The following CNTNAP2 variants were observed in gnomAD, a reference collection of about 807,000 sequenced individuals.
The protein encoded by CNTNAP2 is contactin associated protein 2, also known as contactin-associated protein-like 2.
A neutral mutation model predicts 155.2 loss-of-function variants in CNTNAP2; 98 were observed. The ratio of observed to expected loss-of-function variants is 0.63; its 90% CI spans 0.54 to 0.75. CNTNAP2 has a LOEUF of 0.75. Among genes scored for constraint, CNTNAP2 ranks in the 30% least tolerant of loss-of-function variants. The pLI is 0.00. For synonymous variants in CNTNAP2, 651 were observed against 631.2 expected (o/e 1.03, Z -0.47); for missense variants, 1,727 against 1,688.1 (o/e 1.02, Z -0.40).
intron 14 of CNTNAP2, among the ~76,000 whole-genome samples, chr7:147,920,063 A>T (rs1191500320): frequency 6.6e-6 from 1 of 151,878 alleles, no homozygotes; most frequent in East Asian, 2.0e-4. Context: ...CAGAAACCTT[A>T]AAAAGTATGC....
intron 3 of CNTNAP2, among the ~76,000 whole-genome samples, chr7:146,848,644 G>A (rs896333421): frequency 1.3e-5 from 2 of 152,146 alleles, no homozygotes; most frequent in African/African-American, 4.8e-5. Flanking sequence ...TGGTCACTCA[G>A]AGAAGAGGGG....
intron 1 of CNTNAP2, among the ~76,000 whole-genome samples, chr7:146,572,866 G>T (rs1162109106): frequency 6.6e-6 from 1 of 152,024 alleles, no homozygotes; most frequent in Admixed American, 6.5e-5. Context: ...AGTGTCAGGG[G>T]TAAAATGAAA....
intron 15 of CNTNAP2, among the ~76,000 whole-genome samples, chr7:148,063,404 C>G (rs1034694060): frequency 2.0e-5 from 3 of 152,026 alleles, no homozygotes; most frequent in Non-Finnish European, 2.9e-5. Flanking sequence ...TATTGTACCA[C>G]TTGACTTTGC....
chr7:146,589,646 C>A (rs573348290), intron 1 of CNTNAP2, among the ~76,000 whole-genome samples: 7 of 151,724 alleles, frequency 4.6e-5, no homozygotes, highest in African/African-American at 1.7e-4. Context: ...ATACCTAATG[C>A]AGATGATGGA....
chr7:146,166,327 A>T (rs1584782908), intron 1 of CNTNAP2, among the ~76,000 whole-genome samples: 1 of 152,138 alleles, frequency 6.6e-6, no homozygotes, highest in Non-Finnish European at 1.5e-5. Flanking sequence ...TCCTGACCTC[A>T]GGTGACCTGC....
chr7:148,410,046 G>A (rs149139247), intron 23 of CNTNAP2, among the ~76,000 whole-genome samples: 2 of 23,312 alleles, frequency 8.6e-5, no homozygotes, highest in Admixed American at 3.3e-4. Context: ...GCGGGACTCC[G>A]TCTCAAAAAA....
At chr7:146,555,386 TCTAC>T (rs368197723) in intron 1 of CNTNAP2, among the ~76,000 whole-genome samples, 4,634 of 152,254 alleles carry the variant, frequency 0.03, 255 homozygotes, top group African/African-American at 0.11. Flanking sequence ...TATCCATCTA[TCTAC>T]CATCTATTAT....
chr7:146,612,600 C>T (rs981886202), intron 1 of CNTNAP2, among the ~76,000 whole-genome samples: 6 of 151,808 alleles, frequency 4.0e-5, no homozygotes, highest in Non-Finnish European at 1.5e-5. Context: ...AAGAGACAGA[C>T]GTTGATTAGA....
At chr7:147,511,873 A>T (rs1487229789) in intron 11 of CNTNAP2, among the ~76,000 whole-genome samples, 1 of 152,198 alleles carries the variant, frequency 6.6e-6, no homozygotes, top group Non-Finnish European at 1.5e-5. Flanking sequence ...AGCAAAGAAA[A>T]TGCCTTCAAA....
chr7:147,349,875 C>A (rs936004875), intron 9 of CNTNAP2, among the ~76,000 whole-genome samples: 1 of 151,894 alleles, frequency 6.6e-6, no homozygotes, highest in African/African-American at 2.4e-5. Flanking sequence ...AAGAGAGACA[C>A]TCTTTTGTCC....
Position 146,721,887 on chromosome 7 carries a change from A to ATTTTTTT in CNTNAP2, c.98-52383_98-52382insTTTTTTT, listed in dbSNP as rs1265800742. ...TGTGTGTGTGTGTGTATATATATAT[A>ATTTTTTT]TATTTTTTTTTTTTTTTTTGAGATG... On this transcript the variant is annotated intron_variant, in intron 1 of 23. Coordinates refer to ENST00000361727, the MANE Select transcript of CNTNAP2 (RefSeq NM_014141.6). 4.9e-5 allele frequency among the ~76,000 whole-genome samples: 4 copies of ATTTTTTT among 81,996 alleles called. No individual in the cohort carries two copies. In the African/African-American group the frequency reaches 6.0e-4, roughly 12 times the overall value. 53.8% of individuals were successfully genotyped at this position (81,996 alleles called of 152,430 possible).
intron 8 of CNTNAP2, among the ~76,000 whole-genome samples, chr7:147,175,943 A>T (rs1267283014): frequency 6.6e-6 from 1 of 152,182 alleles, no homozygotes; most frequent in Non-Finnish European, 1.5e-5. Context: ...GAACAACTGG[A>T]CCAATGATTG....
chr7:147,925,616 G>A (rs979273917), intron 14 of CNTNAP2, among the ~76,000 whole-genome samples: 4 of 151,856 alleles, frequency 2.6e-5, no homozygotes, highest in African/African-American at 2.4e-5. Flanking sequence ...ACAGGCGCCC[G>A]CCACTCGGCT....
At chr7:147,414,958 A>G (rs909565564) in intron 10 of CNTNAP2, among the ~76,000 whole-genome samples, 17 of 150,756 alleles carry the variant, frequency 1.1e-4, no homozygotes, top group Middle Eastern at 3.4e-3. Flanking sequence ...AAAAAAAAAA[A>G]AAAAAGAAAA....
intron 3 of CNTNAP2, among the ~76,000 whole-genome samples, chr7:146,922,201 C>T (rs925471264): frequency 2.0e-5 from 3 of 148,392 alleles, no homozygotes; most frequent in Non-Finnish European, 4.5e-5. Context: ...ATTAAATGTA[C>T]ATTTCTGCCC....
At chr7:146,717,749 T>C (rs1053337706) in intron 1 of CNTNAP2, among the ~76,000 whole-genome samples, 1 of 152,000 alleles carries the variant, frequency 6.6e-6, no homozygotes, top group Non-Finnish European at 1.5e-5. Flanking sequence ...TAGAAACTTA[T>C]ATTAATTGAG....
At chr7:146,569,496 A>G (rs1373088797) in intron 1 of CNTNAP2, among the ~76,000 whole-genome samples, 1 of 152,234 alleles carries the variant, frequency 6.6e-6, no homozygotes, top group East Asian at 1.9e-4. Flanking sequence ...GGATATTCTC[A>G]TAAAAATTTG....
At chr7:148,091,678 T>A (rs1803844300) in intron 15 of CNTNAP2, among the ~76,000 whole-genome samples, 1 of 152,236 alleles carries the variant, frequency 6.6e-6, no homozygotes, top group African/African-American at 2.4e-5. Context: ...TTTTATAGTC[T>A]TCATCTTAAG....
At chr7:147,651,808 A>G (rs1365542580) in intron 13 of CNTNAP2, among the ~76,000 whole-genome samples, 2 of 152,228 alleles carry the variant, frequency 1.3e-5, no homozygotes, top group East Asian at 3.9e-4. Flanking sequence ...CCACATTTTA[A>G]TGAATATGGC....
Sources: allele counts gnomAD v4.1 joint callset (sites outside exome capture counted in the v4.1 genomes callset), GRCh38; gene constraint gnomAD v4.1.1; transcripts MANE v1.5; gene names NCBI Gene and HGNC (gene_info 2026-07-23, HGNC 2026-07-21).